CD96: variants seen among roughly 807,000 people sequenced by gnomAD.
The protein encoded by CD96 is T-cell surface protein tactile.
In CD96, 70 loss-of-function variants were observed where a neutral mutation model predicts 71.3. That is an observed-to-expected ratio of 0.98 (90% CI 0.81 to 1.20). The LOEUF (loss-of-function observed/expected upper bound fraction) is 1.20, where lower values mean the gene tolerates loss of function less well. Ranked by LOEUF, CD96 falls within the 50% of genes most tolerant of loss-of-function variation. The pLI is 0.00. For missense variants in CD96, 742 were observed against 677.5 expected, an observed-to-expected ratio of 1.10 and a Z score of -1.06; for synonymous variants, 248 against 233.0, an observed-to-expected ratio of 1.06 and a Z score of -0.59.
At chr3:111,584,814 C>G (rs963236622) in intron 4 of CD96, among the ~76,000 whole-genome samples, 1 of 152,108 alleles carries the variant, frequency 6.6e-6, no homozygotes, top group African/African-American at 2.4e-5. Context: ...AGGACAGAGC[C>G]AAACCATATC....
rs141311785 is a variant in CD96, at chr3:111,615,346, G to A, written c.1181-8408G>A. Among the ~76,000 whole-genome samples the A allele has an allele frequency of 1.2e-4, 19 of 152,296 alleles. No individual in the cohort carries two copies. In the East Asian group the frequency reaches 3.7e-3, roughly 29 times the overall value. ...GTGAGGATGCTTGAGGAACATGAAGGGAGACAGGAGAATGCAGAAAAGGGA... is the reference window on the plus strand; with the variant it reads ...GTGAGGATGCTTGAGGAACATGAAGAGAGACAGGAGAATGCAGAAAAGGGA... On this transcript the variant is annotated intron_variant, in intron 8 of 13. Transcript: ENST00000352690.
intron 10 of CD96, among the ~76,000 whole-genome samples, chr3:111,627,542 C>T (rs1253410035): frequency 6.6e-6 from 1 of 152,200 alleles, no homozygotes; most frequent in Non-Finnish European, 1.5e-5. Context: ...GTGAGGCAGA[C>T]ATTTGCTGTT....
intron 12 of CD96, among the ~76,000 whole-genome samples, chr3:111,639,069 T>C (rs1348078746): frequency 3.9e-5 from 6 of 152,216 alleles, no homozygotes. Context: ...ATTGCAACTC[T>C]GCAGCATGCA....
At chr3:111,638,294 G>A (rs1939433865) in intron 12 of CD96, 126 bp downstream of exon 12, 1 of 741,264 alleles carries the variant, frequency 1.3e-6, no homozygotes, top group Non-Finnish European at 2.5e-6. Context: ...CTGGCTTTTT[G>A]AAGATTATAA....
chr3:111,633,417 C>A (rs9839161), intron 10 of CD96, among the ~76,000 whole-genome samples: 3,871 of 152,048 alleles, frequency 0.025, 160 homozygotes, highest in African/African-American at 0.086. Context: ...AAATGTGGCA[C>A]AAAGACATGA....
chr3:111,579,315 A>C, intron 4 of CD96, 81 bp downstream of exon 4: 1 of 826,932 alleles, frequency 1.2e-6, no homozygotes, highest in South Asian at 1.3e-5. Flanking sequence ...GCACCCTATT[A>C]TGCTGCAGAG....
At chr3:111,600,626 A>T (rs1284194208) in intron 6 of CD96, 100 bp from the exon 7 acceptor site, 2 of 892,946 alleles carry the variant, frequency 2.2e-6, no homozygotes, top group Admixed American at 3.5e-5. Context: ...ACCACTTTAG[A>T]CTCTACATTA....
intron 3 of CD96, among the ~76,000 whole-genome samples, chr3:111,573,280 C>T (rs1401545452): frequency 6.6e-6 from 1 of 152,136 alleles, no homozygotes; most frequent in African/African-American, 2.4e-5. Flanking sequence ...GCATGAATTT[C>T]AGTTCAGTCC....
intron 12 of CD96, among the ~76,000 whole-genome samples, chr3:111,644,018 C>T (rs1215516161): frequency 6.6e-6 from 1 of 151,958 alleles, no homozygotes; most frequent in Non-Finnish European, 1.5e-5. Context: ...AAAAAGAGCC[C>T]ACATAACCAA....
intron 8 of CD96, among the ~76,000 whole-genome samples, chr3:111,621,601 AT>A (rs1197080833): frequency 6.6e-6 from 1 of 152,250 alleles, no homozygotes; most frequent in Admixed American, 6.5e-5. Context: ...AGTCTTCTTA[AT>A]GACAGAAATA....
At chr3:111,618,010 A>G (rs1938330184) in intron 8 of CD96, among the ~76,000 whole-genome samples, 1 of 152,126 alleles carries the variant, frequency 6.6e-6, no homozygotes, top group Non-Finnish European at 1.5e-5. Flanking sequence ...CTTGCCATAC[A>G]TCTGGTCCAG....
intron 2 of CD96, 25 bp from the exon 3 acceptor site, chr3:111,567,498 T>C (rs1468524429): frequency 6.3e-7 from 1 of 1,597,566 alleles, no homozygotes; most frequent in Admixed American, 1.7e-5. Context: ...GATTCACATA[T>C]TTTCTACCTT....
Position 111,642,805 on chromosome 3 carries a change from TA to T in CD96, c.1477+4647del, listed in dbSNP as rs200092300. Among the ~76,000 whole-genome samples, 286 of 146,736 alleles carry T rather than the reference TA, an allele frequency of 1.9e-3. 1 individual carries two copies. Among genetic ancestry groups the T allele is most frequent in the African/African-American group, 5.0e-3 (199 of 39,806 alleles). On this transcript the variant is annotated intron_variant, in intron 12 of 13. Transcript: ENST00000352690. ...CTGGGTGACAAACTGAGACTCCGCC[TA>T]AAAAAAAAATAAATAAATAAAAGAA... is the stretch of plus-strand genomic sequence containing the variant.
intron 5 of CD96, among the ~76,000 whole-genome samples, chr3:111,586,249 T>C (rs1478506346): frequency 6.6e-6 from 1 of 152,192 alleles, no homozygotes; most frequent in East Asian, 1.9e-4. Context: ...AAAAATATAC[T>C]CATTAATTCT....
chr3:111,572,231 T>C (rs1186348939), intron 3 of CD96, among the ~76,000 whole-genome samples: 1 of 152,196 alleles, frequency 6.6e-6, no homozygotes, highest in Non-Finnish European at 1.5e-5. Context: ...TATGAGACTC[T>C]CATAAAGGGA....
chr3:111,605,627 A>T (rs1329408342), intron 7 of CD96, among the ~76,000 whole-genome samples: 1 of 152,344 alleles, frequency 6.6e-6, no homozygotes, highest in Non-Finnish European at 1.5e-5. Context: ...GCACAAAAGC[A>T]TTCATATAGT....
intron 1 of CD96, among the ~76,000 whole-genome samples, chr3:111,543,815 T>C (rs2399391): frequency 0.79 from 119,914 of 152,094 alleles, 47,466 homozygotes; most frequent in East Asian, 0.96. Flanking sequence ...ATTGACTGGT[T>C]AAGATAACTA....
chr3:111,624,912 GC>G (rs1938675664), intron 10 of CD96, among the ~76,000 whole-genome samples: 1 of 152,218 alleles, frequency 6.6e-6, no homozygotes, highest in African/African-American at 2.4e-5. Flanking sequence ...GTCTGTAAGT[GC>G]TGCTTTAGCA....
intron 8 of CD96, among the ~76,000 whole-genome samples, chr3:111,611,448 G>A (rs1258930580): frequency 6.6e-6 from 1 of 152,198 alleles, no homozygotes; most frequent in Non-Finnish European, 1.5e-5. Flanking sequence ...GTTGATAGGG[G>A]CATTGGATTC....
Sources: allele counts gnomAD v4.1 joint callset (sites outside exome capture counted in the v4.1 genomes callset), GRCh38; gene constraint gnomAD v4.1.1; transcripts MANE v1.5; gene names NCBI Gene and HGNC (gene_info 2026-07-23, HGNC 2026-07-21).